Variants in PTRH1 observed in about 807,000 individuals in gnomAD.
PTRH1 encodes peptidyl-tRNA hydrolase 1 homolog.
Under a neutral mutation model 15.7 loss-of-function variants are expected in PTRH1, and 13 were observed. The observed-to-expected ratio is 0.83, with a 90% CI of 0.54 to 1.31. PTRH1 has a LOEUF of 1.31. Ranked by LOEUF, PTRH1 falls within the 40% of genes most tolerant of loss-of-function variation. The pLI is 0.00. For synonymous variants in PTRH1, 139 were observed against 136.7 expected (o/e 1.02, Z -0.12); for missense variants, 319 against 296.2 (o/e 1.08, Z -0.56).
At chr9:127,709,308 G>A (rs1358354467), downstream of PTRH1, 2 of 1,132,038 alleles carry the variant, frequency 1.8e-6, no homozygotes, top group East Asian at 5.2e-5. The surrounding 1 kb of genome is among the most constrained non-coding windows in gnomAD (Gnocchi z 4.7). Context: ...CTGATCACAA[G>A]GAAACTCAAA....
At chr9:127,713,506 T>TC (rs1207189809), downstream of PTRH1, 5 of 270,254 alleles carry the variant, frequency 1.9e-5, no homozygotes, top group African/African-American at 2.5e-5. Flanking sequence ...CTTTTTTTTT[T>TC]TTTTTTTTTT....
In PTRH1 at chr9:127,715,612, C is replaced by T. The variant is rs745929570; in HGVS notation, c.28G>A (p.Gly10Arg). 1 of 1,612,916 alleles carries T rather than the reference C, an allele frequency of 6.2e-7. No individual in the cohort carries two copies. The highest frequency in any genetic ancestry group is 1.7e-5 in the Admixed American group (1 of 60,008). Reference sequence around the variant, plus strand: ...CTCATGGCTCTACTCAGCCGCTGTCCGGCGCCCAAAAAGCCGCCCGGCCTC... The same window carrying T: ...CTCATGGCTCTACTCAGCCGCTGTCTGGCGCCCAAAAAGCCGCCCGGCCTC... MRPGGFLGA[G>R]QRLSRAMSRC... The change falls in exon 1 of 5, where the codon GGA becomes AGA. Residue 10 changes from glycine (G) to arginine (R), a missense_variant. Coordinates refer to ENST00000543175, the MANE Select transcript of PTRH1 (RefSeq NM_001002913.3). The surrounding 1 kb of genome is among the most constrained non-coding windows in gnomAD (Gnocchi z 5.8).
chr9:127,709,409 G>C, downstream of PTRH1: 1 of 1,611,496 alleles, frequency 6.2e-7, no homozygotes, highest in Non-Finnish European at 8.5e-7. This position sits in a 1 kb window ranked among gnomAD's most constrained non-coding sequence, Gnocchi z 4.7. Context: ...CCACGGCTCT[G>C]CCCCTGCCCC....
chr9:127,712,425 G>A, downstream of PTRH1: 9 of 1,564,202 alleles, frequency 5.8e-6, no homozygotes, highest in Non-Finnish European at 7.8e-6. Flanking sequence ...GCAGAGAAGG[G>A]GCTGCCTCAG....
intron 1 of PTRH1, among the ~76,000 whole-genome samples, chr9:127,704,264 G>C (rs941562463): frequency 6.6e-6 from 1 of 152,094 alleles, no homozygotes; most frequent in Non-Finnish European, 1.5e-5. Context: ...CAGCACTCTG[G>C]GAGGCCAAGG....
At chr9:127,713,113 T>G (rs1842806687), downstream of PTRH1, 5 of 1,613,164 alleles carry the variant, frequency 3.1e-6, no homozygotes, top group Admixed American at 8.4e-5. Context: ...GCCTGGTACC[T>G]CGCCAGGTCC....
chr9:127,709,547 A>T (rs764366532), downstream of PTRH1: 6 of 1,614,126 alleles, frequency 3.7e-6, no homozygotes, highest in Admixed American at 5.0e-5. This position sits in a 1 kb window ranked among gnomAD's most constrained non-coding sequence, Gnocchi z 4.7. Flanking sequence ...CAGCAGGTGG[A>T]TGAGATCACA....
chr9:127,706,888 C>G (rs1298943824), intron 1 of PTRH1: 5 of 946,542 alleles, frequency 5.3e-6, no homozygotes, highest in Non-Finnish European at 7.9e-6. Flanking sequence ...TGGAGTGGGA[C>G]CTGGTACCGG....
Position 127,715,447 on chromosome 9 carries a change from C to G in PTRH1, c.96+97G>C, listed in dbSNP as rs754601933. 8 of 1,543,046 alleles carry G rather than the reference C, an allele frequency of 5.2e-6. No individual in the cohort carries two copies. The Middle Eastern group carries it at 5.0e-4, about 97-fold the overall frequency. Reference sequence around the variant, plus strand: ...GCACTGAACTCACCAGTTAAGAAAACAGAGCAGCAATTTGGGGGCACTCGG... The same window carrying G: ...GCACTGAACTCACCAGTTAAGAAAAGAGAGCAGCAATTTGGGGGCACTCGG... On this transcript the variant is annotated intron_variant, in intron 1 of 4. Coordinates refer to ENST00000543175, the MANE Select transcript of PTRH1 (RefSeq NM_001002913.3). This position sits in a 1 kb window ranked among gnomAD's most constrained non-coding sequence, Gnocchi z 5.8.
At chr9:127,701,548 A>C (rs1473057625) in intron 1 of PTRH1, among the ~76,000 whole-genome samples, 1 of 152,234 alleles carries the variant, frequency 6.6e-6, no homozygotes, top group Non-Finnish European at 1.5e-5. Context: ...TCTTCATCTC[A>C]GAGCTGATGA....
intron 1 of PTRH1, among the ~76,000 whole-genome samples, chr9:127,699,437 G>C (rs1266850696): frequency 6.6e-6 from 1 of 152,204 alleles, no homozygotes; most frequent in Non-Finnish European, 1.5e-5. Context: ...CCGGGCTTCC[G>C]GGGCTAGTAA....
intron 2 of PTRH1, among the ~76,000 whole-genome samples, chr9:127,694,667 C>G (rs72752815): frequency 6.6e-6 from 1 of 152,042 alleles, no homozygotes; most frequent in Non-Finnish European, 1.5e-5. Flanking sequence ...GGTGCACAGG[C>G]CCCCAGCAGT....
chr9:127,711,244 C>G (rs755719395), downstream of PTRH1: 1 of 1,613,868 alleles, frequency 6.2e-7, no homozygotes, highest in Non-Finnish European at 8.5e-7. Flanking sequence ...GGAAAGAGAT[C>G]ATCCAGCGCG....
Position 127,715,534 on chromosome 9 carries a change from C to A in PTRH1, c.96+10G>T, listed in dbSNP as rs1259617064. 1 of 1,613,414 alleles carries A rather than the reference C, an allele frequency of 6.2e-7. No homozygotes were observed. The highest frequency in any genetic ancestry group is 1.3e-5 in the African/African-American group (1 of 75,050). On this transcript the variant is annotated intron_variant, in intron 1 of 4. Coordinates refer to ENST00000543175, the MANE Select transcript of PTRH1 (RefSeq NM_001002913.3). This position sits in a 1 kb window ranked among gnomAD's most constrained non-coding sequence, Gnocchi z 5.8. ...CGGGAGCCCCTACGTCGCCGCCCCA[C>A]GCCACTCACCATCCACCGCTTCCCC... is the stretch of plus-strand genomic sequence containing the variant.
intron 2 of PTRH1, among the ~76,000 whole-genome samples, chr9:127,694,451 G>A (rs939652153): frequency 1.3e-5 from 2 of 152,040 alleles, no homozygotes; most frequent in African/African-American, 2.4e-5. Flanking sequence ...CCAGCTTCCT[G>A]TCACCTCTCT....
downstream of PTRH1, chr9:127,710,542 C>T (rs1431682506): frequency 1.7e-5 from 27 of 1,545,446 alleles, no homozygotes; most frequent in Non-Finnish European, 2.0e-5. Flanking sequence ...TTAAGGTCCT[C>T]GCCAGGCCCT....
chr9:127,712,247 T>C (rs1209574143), downstream of PTRH1: 1 of 1,613,862 alleles, frequency 6.2e-7, no homozygotes, highest in African/African-American at 1.3e-5. Context: ...AGCAGGTGGA[T>C]TTGCAGCGGC....
downstream of PTRH1, chr9:127,711,246 T>G (rs1320065452): frequency 6.2e-7 from 1 of 1,613,868 alleles, no homozygotes; most frequent in East Asian, 2.2e-5. Context: ...AAAGAGATCA[T>G]CCAGCGCGTG....
intron 1 of PTRH1, among the ~76,000 whole-genome samples, chr9:127,697,765 G>T (rs1842573218): frequency 6.6e-6 from 1 of 152,196 alleles, no homozygotes; most frequent in Non-Finnish European, 1.5e-5. Context: ...CAACACATGC[G>T]CTCCTTCTTA....
Sources: allele counts gnomAD v4.1 joint callset (sites outside exome capture counted in the v4.1 genomes callset), GRCh38; gene constraint gnomAD v4.1.1; non-coding constraint Gnocchi (gnomAD v3.1); transcripts MANE v1.5; gene names NCBI Gene and HGNC (gene_info 2026-07-23, HGNC 2026-07-21).